Variants in RAD54L2 observed in about 807,000 individuals in gnomAD.
The protein encoded by RAD54L2 is RAD54 like 2.
A neutral mutation model predicts 138.4 loss-of-function variants in RAD54L2; 27 were observed. The observed-to-expected ratio is 0.20, with a 90% CI of 0.14 to 0.27. The LOEUF is 0.27. Ranked by LOEUF, RAD54L2 falls within the 10% of genes least tolerant of loss-of-function variation. The pLI is 1.00. For missense variants in RAD54L2, 1,396 were observed against 1,890.2 expected (o/e 0.74, Z 4.85); for synonymous variants, 644 against 723.2 (o/e 0.89, Z 1.76).
At chr3:51,599,473 G>C (rs958676025) in intron 3 of RAD54L2, among the ~76,000 whole-genome samples, 7 of 152,044 alleles carry the variant, frequency 4.6e-5, no homozygotes, top group African/African-American at 1.7e-4. Flanking sequence ...ATTTTTATTA[G>C]TTTTATATAA....
chr3:51,635,543 T>A (rs1236837770), intron 9 of RAD54L2, 50 bp from the exon 10 acceptor site: 1 of 1,526,186 alleles, frequency 6.6e-7, no homozygotes, highest in Non-Finnish European at 8.9e-7. Flanking sequence ...AAACAATAAT[T>A]CTTGAGATAT....
intron 3 of RAD54L2, among the ~76,000 whole-genome samples, chr3:51,626,417 C>G (rs2106788870): frequency 7.0e-6 from 1 of 143,022 alleles, no homozygotes. Flanking sequence ...CAAATGACAT[C>G]CCCTGGACCC....
intron 2 of RAD54L2, among the ~76,000 whole-genome samples, chr3:51,561,326 A>C (rs557894164): frequency 6.6e-6 from 1 of 152,070 alleles, no homozygotes; most frequent in African/African-American, 2.4e-5. Context: ...GTTCATTGCA[A>C]CCTCCACCTC....
intron 2 of RAD54L2, among the ~76,000 whole-genome samples, chr3:51,542,696 C>A (rs1698584186): frequency 6.6e-6 from 1 of 152,144 alleles, no homozygotes; most frequent in South Asian, 2.1e-4. Flanking sequence ...ATCTACTGAC[C>A]TCGTGATCCG....
At chr3:51,582,967 T>A (rs998262010) in intron 2 of RAD54L2, among the ~76,000 whole-genome samples, 16 of 152,054 alleles carry the variant, frequency 1.1e-4, no homozygotes, top group Non-Finnish European at 2.2e-4. Flanking sequence ...GGGTTTCACC[T>A]TGTTAGCCAG....
intron 1 of RAD54L2, chr3:51,541,104 G>T (rs1409394878): frequency 6.8e-6 from 1 of 147,416 alleles, no homozygotes; most frequent in Non-Finnish European, 1.5e-5. Flanking sequence ...TTTCATAAAC[G>T]AACATTTATT....
intron 3 of RAD54L2, among the ~76,000 whole-genome samples, chr3:51,609,530 A>G (rs1242963212): frequency 1.3e-5 from 2 of 152,176 alleles, no homozygotes; most frequent in Non-Finnish European, 2.9e-5. Flanking sequence ...GGAGGAAATT[A>G]TGGGCTATAG....
intron 4 of RAD54L2, among the ~76,000 whole-genome samples, chr3:51,628,053 G>C (rs1029614238): frequency 6.6e-6 from 1 of 152,126 alleles, no homozygotes; most frequent in Non-Finnish European, 1.5e-5. Flanking sequence ...GGACTTTCCG[G>C]TTTTTCCTCT....
chr3:51,597,903 G>A (rs1453363443), intron 3 of RAD54L2, among the ~76,000 whole-genome samples: 3 of 149,838 alleles, frequency 2.0e-5, no homozygotes, highest in Non-Finnish European at 3.0e-5. Context: ...GCGGTGAGCC[G>A]AGATCACGCC....
chr3:51,544,667 G>C (rs1301711341), intron 2 of RAD54L2, among the ~76,000 whole-genome samples: 1 of 152,118 alleles, frequency 6.6e-6, no homozygotes, highest in Non-Finnish European at 1.5e-5. Flanking sequence ...GCAATGGCAC[G>C]ATCTTGGCTC....
chr3:51,547,871 CTATAAAA>C (rs1320001115), intron 2 of RAD54L2, among the ~76,000 whole-genome samples: 1 of 151,764 alleles, frequency 6.6e-6, no homozygotes, highest in African/African-American at 2.4e-5. Flanking sequence ...CGTGCCCAGC[CTATAAAA>C]TACTTTCTTT....
intron 3 of RAD54L2, among the ~76,000 whole-genome samples, chr3:51,625,958 T>C (rs1308027521): frequency 6.6e-6 from 1 of 152,018 alleles, no homozygotes; most frequent in Non-Finnish European, 1.5e-5. Context: ...GACAGCTAAA[T>C]GCAACATAGT....
At chr3:51,613,925 C>G (rs560365142) in intron 3 of RAD54L2, among the ~76,000 whole-genome samples, 1 of 152,136 alleles carries the variant, frequency 6.6e-6, no homozygotes, top group African/African-American at 2.4e-5. Context: ...TTGGTTGTTA[C>G]GATCAGGATG....
At chr3:51,654,922 T>G (rs1701558308) in intron 19 of RAD54L2, among the ~76,000 whole-genome samples, 1 of 152,164 alleles carries the variant, frequency 6.6e-6, no homozygotes, top group African/African-American at 2.4e-5. Flanking sequence ...GGTATGCGGC[T>G]TGGGCTGGGT....
At chr3:51,570,148 T>A (rs1226762057) in intron 2 of RAD54L2, among the ~76,000 whole-genome samples, 6 of 145,976 alleles carry the variant, frequency 4.1e-5, no homozygotes, top group African/African-American at 1.5e-4. Flanking sequence ...AATTTTTTTT[T>A]TTTTTTTTTT....
intron 19 of RAD54L2, among the ~76,000 whole-genome samples, chr3:51,649,763 C>G (rs1260587314): frequency 6.6e-6 from 1 of 152,150 alleles, no homozygotes; most frequent in Non-Finnish European, 1.5e-5. Flanking sequence ...CCAGGCCTAC[C>G]TTAAGAGACC....
intron 2 of RAD54L2, among the ~76,000 whole-genome samples, chr3:51,586,894 A>G (rs1332609734): frequency 6.6e-6 from 1 of 152,064 alleles, no homozygotes; most frequent in Non-Finnish European, 1.5e-5. Flanking sequence ...CAAGGAGTCT[A>G]GGATGAAAGA....
At chr3:51,607,581 C>T (rs1385610001) in intron 3 of RAD54L2, among the ~76,000 whole-genome samples, 2 of 152,242 alleles carry the variant, frequency 1.3e-5, no homozygotes, top group African/African-American at 4.8e-5. Flanking sequence ...TCGACAAAAC[C>T]GCCATTGTCA....
chr3:51,637,670 C>G lies in RAD54L2; in HGVS notation c.1682+167C>G, dbSNP rs1054202448. On this transcript the variant is annotated intron_variant, in intron 11 of 22. Transcript: ENST00000684192. The surrounding 1 kb of genome is among the most constrained non-coding windows in gnomAD (Gnocchi z 5.9). ...CAAGCTAGCAGATGGTGGATATCCACTGTTTCAGTTCTCTGAAAGTTTGGC... is the reference window on the plus strand; with the variant it reads ...CAAGCTAGCAGATGGTGGATATCCAGTGTTTCAGTTCTCTGAAAGTTTGGC... 2.6e-5 allele frequency among the ~76,000 whole-genome samples: 4 copies of G among 152,218 alleles called. No individual in the cohort carries two copies. The highest frequency in any genetic ancestry group is 9.6e-5 in the African/African-American group (4 of 41,452).
Sources: gnomAD v4.1 joint callset for allele counts (sites outside exome capture counted in the v4.1 genomes callset) on GRCh38, gnomAD v4.1.1 for gene constraint, Gnocchi (gnomAD v3.1) non-coding constraint, MANE v1.5 for transcripts, NCBI Gene and HGNC (gene_info 2026-07-23, HGNC 2026-07-21) for gene names.